PRKCZ: variants seen among roughly 807,000 people sequenced by gnomAD.
The protein encoded by PRKCZ is protein kinase C zeta.
A neutral mutation model predicts 79.5 loss-of-function variants in PRKCZ; 33 were observed. The ratio of observed to expected loss-of-function variants is 0.41; its 90% CI spans 0.31 to 0.55. The LOEUF (loss-of-function observed/expected upper bound fraction) is 0.55. Among genes scored for constraint, PRKCZ ranks in the 20% least tolerant of loss-of-function variants. The pLI is 0.19. For synonymous variants in PRKCZ, 342 were observed against 320.9 expected (o/e 1.07, Z -0.70); for missense variants, 578 against 813.5 (o/e 0.71, Z 3.52).
chr1:2,095,517 T>G (rs1359873572), intron 4 of PRKCZ, among the ~76,000 whole-genome samples: 1 of 152,060 alleles, frequency 6.6e-6, no homozygotes, highest in Non-Finnish European at 1.5e-5. Context: ...CTCCCGTGGA[T>G]GCCTTTTCAA....
In PRKCZ at chr1:2,125,429, CCTGAACGGCTG is replaced by C. The variant is rs1673677556; in HGVS notation, c.335-9828_335-9818del. Among the ~76,000 whole-genome samples the C allele has an allele frequency of 1.3e-5, 2 of 152,222 alleles. No homozygotes were observed. Among genetic ancestry groups the C allele is most frequent in the Admixed American group, 1.3e-4 (2 of 15,276 alleles). On this transcript the variant is annotated intron_variant, in intron 4 of 17. Transcript: ENST00000378567. This position sits in a 1 kb window ranked among gnomAD's most constrained non-coding sequence, Gnocchi z 4.2. ...CCCAAACATCTCTCAGGGGCACTTT[CCTGAACGGCTG>C]CTGACAGCAGCATTTGAGGACGGTG...
intron 16 of PRKCZ, among the ~76,000 whole-genome samples, chr1:2,180,553 A>ACGGACGACG (rs1394395609): frequency 1.3e-4 from 20 of 151,558 alleles, no homozygotes; most frequent in African/African-American, 4.6e-4. Context: ...ACGTGGATGC[A>ACGGACGACG]TGGACGACGT....
chr1:2,169,647 G>C, intron 11 of PRKCZ, 43 bp downstream of exon 11: 1 of 1,411,860 alleles, frequency 7.1e-7, no homozygotes, highest in Non-Finnish European at 9.5e-7. Flanking sequence ...GCCCGGAGTT[G>C]GGGATGGGTG....
chr1:2,174,131 C>A lies in PRKCZ; in HGVS notation c.1405+115C>A, dbSNP rs45617831. ...CCTGGAGCGGCAGTGCCATGCAAAG[C>A]GTACCGGGAACCATTCCTCCTGGCC... On this transcript the variant is annotated intron_variant, in intron 14 of 17. Coordinates refer to ENST00000378567, the MANE Select transcript of PRKCZ (RefSeq NM_002744.6). This position sits in a 1 kb window ranked among gnomAD's most constrained non-coding sequence, Gnocchi z 6.2. The A allele has an allele frequency of 7.5e-7, 1 of 1,328,678 alleles. No individual in the cohort carries two copies. Among genetic ancestry groups the A allele is most frequent in the Non-Finnish European group, 1.0e-6 (1 of 1,001,050 alleles). 82.3% of individuals were successfully genotyped at this position (1,328,678 alleles called of 1,614,324 possible).
chr1:2,108,229 G>A (rs979335246), intron 4 of PRKCZ, among the ~76,000 whole-genome samples: 2 of 152,244 alleles, frequency 1.3e-5, no homozygotes, highest in African/African-American at 2.4e-5. Flanking sequence ...CGCGTGGTGA[G>A]GCCGTCCTCT....
chr1:2,155,903 G>A, intron 9 of PRKCZ, 92 bp from the exon 10 acceptor site: 1 of 1,095,982 alleles, frequency 9.1e-7, no homozygotes, highest in African/African-American at 1.5e-5. Context: ...TGAAAGCGGA[G>A]GAAAGAGACT....
chr1:2,119,403 C>G lies in PRKCZ; in HGVS notation c.335-15859C>G, dbSNP rs530545778. Among the ~76,000 whole-genome samples the G allele has an allele frequency of 8.5e-5, 13 of 152,078 alleles. No homozygotes were observed. The East Asian group carries it at 2.5e-3, about 29-fold the overall frequency. On this transcript the variant is annotated intron_variant, in intron 4 of 17. Coordinates refer to ENST00000378567, the MANE Select transcript of PRKCZ (RefSeq NM_002744.6). ...CTATTTTTTGTATTTTTAGTAGAGG[C>G]AGGGTTTCACCATATTGACCAGGCT...
chr1:2,053,294 T>G (rs574568094), intron 1 of PRKCZ, among the ~76,000 whole-genome samples: 35 of 152,272 alleles, frequency 2.3e-4, no homozygotes, highest in African/African-American at 8.2e-4. Context: ...AGAGATGAGG[T>G]TTCACTTTGT....
chr1:2,088,881 G>T (rs1342459753), intron 4 of PRKCZ, among the ~76,000 whole-genome samples: 1 of 152,238 alleles, frequency 6.6e-6, no homozygotes, highest in Non-Finnish European at 1.5e-5. Flanking sequence ...AGGGCAGGAT[G>T]TCAGAAAAGC....
Position 2,156,110 on chromosome 1 carries a change from A to G in PRKCZ, c.974+18A>G, listed in dbSNP as rs1032182915. 3 of 1,589,380 alleles carry G rather than the reference A, an allele frequency of 1.9e-6. No individual in the cohort carries two copies. The highest frequency in any genetic ancestry group is 2.6e-6 in the Non-Finnish European group (3 of 1,158,596). The stretch of plus-strand genomic sequence containing the variant: ...ACAAGTCGGTAAGAAAAAGAAGGGT[A>G]TTTCTGATATTCTGCAGATTTCAGA... On this transcript the variant is annotated intron_variant, in intron 10 of 17. Coordinates refer to ENST00000378567, the MANE Select transcript of PRKCZ (RefSeq NM_002744.6).
At chr1:2,109,227 T>C (rs1408366410) in intron 4 of PRKCZ, among the ~76,000 whole-genome samples, 1 of 152,224 alleles carries the variant, frequency 6.6e-6, no homozygotes, top group African/African-American at 2.4e-5. Context: ...CCATGGGTGC[T>C]TCCGGATGCT....
intron 4 of PRKCZ, among the ~76,000 whole-genome samples, chr1:2,084,797 G>C (rs1296134276): frequency 1.3e-5 from 2 of 152,240 alleles, no homozygotes; most frequent in African/African-American, 4.8e-5. Flanking sequence ...CTGAGCTCAG[G>C]AGTTTTCAAG....
At chr1:2,146,179 C>G in intron 7 of PRKCZ, 71 bp downstream of exon 7, 1 of 1,437,226 alleles carries the variant, frequency 7.0e-7, no homozygotes. Flanking sequence ...TGCCTTCTAG[C>G]CACGAGTCCT....
chr1:2,066,562 G>T (rs570417864), intron 4 of PRKCZ, among the ~76,000 whole-genome samples: 1 of 152,140 alleles, frequency 6.6e-6, no homozygotes, highest in Non-Finnish European at 1.5e-5. Context: ...GGCTGGTCCC[G>T]AACTCCTGAC....
At chr1:2,115,228 C>T (rs1019328969) in intron 4 of PRKCZ, among the ~76,000 whole-genome samples, 1 of 152,276 alleles carries the variant, frequency 6.6e-6, no homozygotes, top group African/African-American at 2.4e-5. Context: ...GTGTCCGTCC[C>T]CACTGCGGGG....
At chr1:2,081,806 C>A (rs1663577066) in intron 4 of PRKCZ, among the ~76,000 whole-genome samples, 1 of 151,792 alleles carries the variant, frequency 6.6e-6, no homozygotes, top group South Asian at 2.1e-4. Flanking sequence ...ACGCCCCCCA[C>A]ACCCCACCAC....
At chr1:2,146,190 TTCTC>T in intron 7 of PRKCZ, 82 bp downstream of exon 7, 2 of 1,366,118 alleles carry the variant, frequency 1.5e-6, no homozygotes, top group Non-Finnish European at 2.1e-6. Context: ...CACGAGTCCT[TTCTC>T]AGTCCCATCT....
At position 2,157,882 on chromosome 1, in the gene PRKCZ, T is replaced by G. The variant is rs1681404067; in HGVS notation, c.974+1790T>G. On this transcript the variant is annotated intron_variant, in intron 10 of 17. Coordinates refer to ENST00000378567, the MANE Select transcript of PRKCZ (RefSeq NM_002744.6). ...TGTTATATCCGTGTAGGGAACTGTT[T>G]GCAGTTCACGTTCCCAGCCCCAGCT... Among the ~76,000 whole-genome samples, 4 of 151,380 alleles carry G rather than the reference T, an allele frequency of 2.6e-5. No individual in the cohort carries two copies. The South Asian group carries it at 8.4e-4, about 32-fold the overall frequency.
At chr1:2,050,149 G>T (rs1206377917), upstream of PRKCZ, 1 of 152,072 alleles carries the variant, frequency 6.6e-6, no homozygotes, top group Non-Finnish European at 1.5e-5. Context: ...CTCCGTCCCA[G>T]AGGCCGGGGC....
Sources: gnomAD v4.1 joint callset for allele counts (sites outside exome capture counted in the v4.1 genomes callset) on GRCh38, gnomAD v4.1.1 for gene constraint, Gnocchi (gnomAD v3.1) non-coding constraint, MANE v1.5 for transcripts, NCBI Gene and HGNC (gene_info 2026-07-23, HGNC 2026-07-21) for gene names.